BPHL: variants seen among roughly 807,000 people sequenced by gnomAD.
BPHL encodes biphenyl hydrolase like, also known as serine hydrolase BPHL.
Under a neutral mutation model 31.2 loss-of-function variants are expected in BPHL, and 27 were observed. The ratio of observed to expected loss-of-function variants is 0.87; its 90% CI spans 0.64 to 1.19. BPHL has a LOEUF of 1.19. Ranked by LOEUF, BPHL falls within the 50% of genes most tolerant of loss-of-function variation. The probability of loss-of-function intolerance (pLI) is 0.00; values close to 1 mark genes in which losing one functional copy is unlikely to be tolerated. For missense variants in BPHL, 356 were observed against 375.7 expected, an observed-to-expected ratio of 0.95 and a Z score of 0.43; for synonymous variants, 150 against 146.8, an observed-to-expected ratio of 1.02 and a Z score of -0.16.
At chr6:3,128,906 G>C (rs1761788805) in intron 3 of BPHL, 139 bp from the exon 4 acceptor site, 2 of 1,267,186 alleles carry the variant, frequency 1.6e-6, no homozygotes, top group Non-Finnish European at 2.3e-6. Flanking sequence ...TCATCAAATG[G>C]TGGACTCTAG....
At chr6:3,145,276 G>C (rs1467032710) in intron 6 of BPHL, among the ~76,000 whole-genome samples, 3 of 44,668 alleles carry the variant, frequency 6.7e-5, no homozygotes, top group African/African-American at 3.7e-4. Flanking sequence ...GGTGTGGGTT[G>C]GAGTGCTGGT....
intron 1 of BPHL, among the ~76,000 whole-genome samples, chr6:3,120,115 C>T (rs1300292628): frequency 6.6e-6 from 1 of 152,032 alleles, no homozygotes; most frequent in Non-Finnish European, 1.5e-5. Context: ...CTCACTGCAA[C>T]CTCTGCCTCC....
At chr6:3,137,218 G>A in intron 4 of BPHL, 144 bp from the exon 5 acceptor site, 1 of 1,103,736 alleles carries the variant, frequency 9.1e-7, no homozygotes, top group Non-Finnish European at 1.3e-6. Flanking sequence ...CCAGGGCTAA[G>A]CCGAGCAGAG....
At chr6:3,143,980 G>T (rs1202711169) in intron 6 of BPHL, among the ~76,000 whole-genome samples, 1 of 152,250 alleles carries the variant, frequency 6.6e-6, no homozygotes, top group Admixed American at 6.5e-5. Flanking sequence ...GACTCAGGCG[G>T]CTCCTCAGCG....
intron 1 of BPHL, among the ~76,000 whole-genome samples, chr6:3,120,218 A>G (rs1761528515): frequency 1.3e-5 from 2 of 152,066 alleles, no homozygotes; most frequent in African/African-American, 4.8e-5. Flanking sequence ...TGTTTTTAGT[A>G]GAGATGGGGT....
intron 4 of BPHL, among the ~76,000 whole-genome samples, chr6:3,130,593 G>C (rs1393056855): frequency 6.6e-6 from 1 of 152,154 alleles, no homozygotes; most frequent in African/African-American, 2.4e-5. Context: ...CTTAGGACTA[G>C]GTGGGTCAGG....
chr6:3,151,939 A>G lies in BPHL; in HGVS notation c.789-549A>G, dbSNP rs541172138. ...CACAGCCATTTGTCTGGCGGCTTGTATTCAGATGTATTTGTTCAGTAATCC... is the reference window on the plus strand; with the variant it reads ...CACAGCCATTTGTCTGGCGGCTTGTGTTCAGATGTATTTGTTCAGTAATCC... On this transcript the variant is annotated intron_variant, in intron 6 of 6. Transcript: ENST00000380379. Among the ~76,000 whole-genome samples, 156 of 152,294 alleles carry G rather than the reference A, an allele frequency of 1.0e-3. 5 individuals are homozygous for G. In the South Asian group the frequency reaches 0.03, roughly 29 times the overall value.
At chr6:3,120,089 C>T (rs7753379) in intron 1 of BPHL, among the ~76,000 whole-genome samples, 3,871 of 151,958 alleles carry the variant, frequency 0.025, 170 homozygotes, top group African/African-American at 0.088. Flanking sequence ...TGCTGGAGTG[C>T]AGTGTTGTGA....
intron 4 of BPHL, among the ~76,000 whole-genome samples, chr6:3,133,231 C>T (rs1486761857): frequency 6.8e-6 from 1 of 147,948 alleles, no homozygotes. Flanking sequence ...CAGCTCACTG[C>T]ACTCTTCTCT....
At chr6:3,120,255 G>A (rs925022798) in intron 1 of BPHL, among the ~76,000 whole-genome samples, 2 of 152,098 alleles carry the variant, frequency 1.3e-5, no homozygotes, top group East Asian at 1.9e-4. Context: ...AGCTGATCTC[G>A]AACTCTTGAC....
In BPHL at chr6:3,140,626, T is replaced by C. The variant is rs1762149724; in HGVS notation, c.788+117T>C. On this transcript the variant is annotated intron_variant, in intron 6 of 6. Transcript: ENST00000380379. The surrounding 1 kb of genome is among the most constrained non-coding windows in gnomAD (Gnocchi z 5.2). ...GTTTTAGAGTGCACAGCCCCCCTTTTGCCAATGCCAGTCAGTAGCACCGCT... is the reference window on the plus strand; with the variant it reads ...GTTTTAGAGTGCACAGCCCCCCTTTCGCCAATGCCAGTCAGTAGCACCGCT... 6.8e-7 allele frequency: 1 copy of C among 1,464,476 alleles called. No homozygotes were observed. Among genetic ancestry groups the C allele is most frequent in the Non-Finnish European group, 9.2e-7 (1 of 1,081,624 alleles). The allele number at this position is 1,464,476 out of a possible 1,614,324, so 90.7% of individuals were successfully genotyped here.
intron 6 of BPHL, among the ~76,000 whole-genome samples, chr6:3,143,086 G>C (rs914185002): frequency 6.6e-6 from 1 of 152,106 alleles, no homozygotes; most frequent in Non-Finnish European, 1.5e-5. Context: ...AGACATGGTC[G>C]TGGGCACCCG....
intron 4 of BPHL, among the ~76,000 whole-genome samples, chr6:3,136,021 G>T (rs1357456927): frequency 6.6e-6 from 1 of 152,130 alleles, no homozygotes; most frequent in South Asian, 2.1e-4. Flanking sequence ...TACTTCCTTT[G>T]CTGTATTTTC....
At chr6:3,129,382 T>C (rs1761806604) in intron 4 of BPHL, among the ~76,000 whole-genome samples, 184 bp downstream of exon 4, 1 of 152,274 alleles carries the variant, frequency 6.6e-6, no homozygotes, top group East Asian at 1.9e-4. Context: ...GTTTTAAAGC[T>C]TTCTGTTTCC....
At chr6:3,131,508 GT>G in intron 4 of BPHL, among the ~76,000 whole-genome samples, 1 of 152,236 alleles carries the variant, frequency 6.6e-6, no homozygotes, top group South Asian at 2.1e-4. Context: ...CATTCTCCTG[GT>G]TTAGGCCGCT....
At chr6:3,118,578 G>A (rs545845908), upstream of BPHL, 7 of 480,994 alleles carry the variant, frequency 1.5e-5, no homozygotes, top group East Asian at 3.5e-5. Context: ...CCATGGGAAA[G>A]CACCCGGCAG....
intron 4 of BPHL, among the ~76,000 whole-genome samples, chr6:3,136,592 C>A (rs75957683): frequency 6.6e-6 from 1 of 152,196 alleles, no homozygotes; most frequent in Non-Finnish European, 1.5e-5. Flanking sequence ...GTCCGGGACT[C>A]TGTAGAGATT....
chr6:3,151,530 C>T (rs1237155526), intron 6 of BPHL, among the ~76,000 whole-genome samples: 1 of 152,116 alleles, frequency 6.6e-6, no homozygotes, highest in Non-Finnish European at 1.5e-5. Context: ...CCCACAGTTC[C>T]TCCCTCGCAC....
At position 3,153,557 on chromosome 6, in the gene BPHL, A is replaced by C; in HGVS notation, c.*982A>C. 2.0e-6 allele frequency: 1 copy of C among 493,402 alleles called. No individual in the cohort carries two copies. The highest frequency in any genetic ancestry group is 2.7e-5 in the South Asian group (1 of 37,194). 30.6% of individuals were successfully genotyped at this position (493,402 alleles called of 1,614,324 possible). A position where few individuals can be genotyped will look rare whatever the true frequency, so the allele number is the denominator to read the frequency against. On this transcript the variant is annotated 3_prime_UTR_variant, in exon 7 of 7. Coordinates refer to ENST00000380379, the MANE Select transcript of BPHL (RefSeq NM_004332.4). ...AATCCTACATTGCTATTAAAATTAAACTTTGATTACCACAATAAAAACAGT... is the reference window on the plus strand; with the variant it reads ...AATCCTACATTGCTATTAAAATTAACCTTTGATTACCACAATAAAAACAGT...
Sources: gnomAD v4.1 joint callset for allele counts (sites outside exome capture counted in the v4.1 genomes callset) on GRCh38, gnomAD v4.1.1 for gene constraint, Gnocchi (gnomAD v3.1) non-coding constraint, MANE v1.5 for transcripts, NCBI Gene and HGNC (gene_info 2026-07-23, HGNC 2026-07-21) for gene names.